GTF2E2: variants seen among roughly 807,000 people sequenced by gnomAD.
GTF2E2 encodes transcription initiation factor IIE subunit beta.
Under a neutral mutation model 40.5 loss-of-function variants are expected in GTF2E2, and 21 were observed. The ratio of observed to expected loss-of-function variants is 0.52; its 90% confidence interval spans 0.37 to 0.75. The LOEUF is 0.75. Ranked by LOEUF, GTF2E2 falls within the 30% of genes least tolerant of loss-of-function variation. GTF2E2 has a pLI of 0.00. For synonymous variants in GTF2E2, 117 were observed against 121.6 expected (o/e 0.96, Z 0.25); for missense variants, 298 against 338.4 (o/e 0.88, Z 0.94).
chr8:30,614,916 C>CA (rs1330676813), intron 3 of GTF2E2, among the ~76,000 whole-genome samples: 1 of 151,558 alleles, frequency 6.6e-6, no homozygotes, highest in African/African-American at 2.4e-5. Context: ...GACAAACTGA[C>CA]AAAAAAATAT....
chr8:30,600,981 G>C (rs938109841), intron 6 of GTF2E2, among the ~76,000 whole-genome samples: 7 of 152,334 alleles, frequency 4.6e-5, no homozygotes, highest in African/African-American at 1.7e-4. Context: ...GGCTAGAGAT[G>C]AATGTTAAAA....
At chr8:30,585,377 T>C (rs1828647847) in intron 6 of GTF2E2, among the ~76,000 whole-genome samples, 1 of 152,100 alleles carries the variant, frequency 6.6e-6, no homozygotes, top group Non-Finnish European at 1.5e-5. Flanking sequence ...AAAGGCAATA[T>C]AAAACATTTA....
At chr8:30,640,417 T>C (rs941840044) in intron 2 of GTF2E2, among the ~76,000 whole-genome samples, 9 of 151,910 alleles carry the variant, frequency 5.9e-5, no homozygotes, top group Admixed American at 3.3e-4. Context: ...CATATCAAAA[T>C]GGGAGTAAAC....
intron 3 of GTF2E2, among the ~76,000 whole-genome samples, chr8:30,617,396 T>C (rs959458560): frequency 6.6e-6 from 1 of 152,180 alleles, no homozygotes; most frequent in Admixed American, 6.5e-5. Flanking sequence ...TACTTCTGCC[T>C]TTAGAGCAGA....
chr8:30,645,167 A>T, intron 2 of GTF2E2: 1 of 919,028 alleles, frequency 1.1e-6, no homozygotes, highest in Non-Finnish European at 1.6e-6. Context: ...TTTAGGCATT[A>T]ATTAAGGAAG....
chr8:30,583,802 A>ATTTAT, intron 6 of GTF2E2, among the ~76,000 whole-genome samples: 1 of 149,670 alleles, frequency 6.7e-6, no homozygotes, highest in African/African-American at 2.5e-5. Flanking sequence ...TATTTATTTT[A>ATTTAT]TTTATTTATT....
chr8:30,628,977 TAA>T (rs1208795721), intron 3 of GTF2E2, among the ~76,000 whole-genome samples: 1 of 151,864 alleles, frequency 6.6e-6, no homozygotes, highest in Non-Finnish European at 1.5e-5. Context: ...CTATATCCAC[TAA>T]GAGATCATGA....
chr8:30,601,393 C>T (rs75607133), intron 6 of GTF2E2, among the ~76,000 whole-genome samples: 1,811 of 152,264 alleles, frequency 0.012, 50 homozygotes, highest in South Asian at 0.064. Flanking sequence ...AACCAAGTTC[C>T]CAACAAGGGG....
At position 30,612,494 on chromosome 8, in the gene GTF2E2, T is replaced by C. The variant is rs1585964244; in HGVS notation, c.367-13A>G. The C allele has an allele frequency of 4.0e-6, 6 of 1,505,590 alleles. No homozygotes were observed. The highest frequency in any genetic ancestry group is 5.5e-6 in the Non-Finnish European group (6 of 1,087,444). 93.3% of individuals were successfully genotyped at this position (1,505,590 alleles called of 1,614,324 possible). On this transcript the variant is annotated splice_polypyrimidine_tract_variant and intron_variant, in intron 4 of 7. Coordinates refer to ENST00000355904, the MANE Select transcript of GTF2E2 (RefSeq NM_002095.6). ...TGTTGACTAAAGCCTGTAACAGTGATACAATTGGAATATATTAACAAATGG... is the reference window on the plus strand; with the variant it reads ...TGTTGACTAAAGCCTGTAACAGTGACACAATTGGAATATATTAACAAATGG...
At chr8:30,628,930 CAAA>C (rs200464263) in intron 3 of GTF2E2, among the ~76,000 whole-genome samples, 7 of 70,592 alleles carry the variant, frequency 9.9e-5, no homozygotes, top group Admixed American at 1.6e-4. Context: ...GACTCCGTCT[CAAA>C]AAAAAAAAAA....
At chr8:30,596,388 G>A (rs1333828076) in intron 6 of GTF2E2, among the ~76,000 whole-genome samples, 1 of 152,024 alleles carries the variant, frequency 6.6e-6, no homozygotes, top group Non-Finnish European at 1.5e-5. Context: ...GTTTAATAAT[G>A]AGCTTGTTGA....
intron 6 of GTF2E2, among the ~76,000 whole-genome samples, chr8:30,603,078 A>C (rs552764112): frequency 1.3e-5 from 2 of 152,358 alleles, no homozygotes; most frequent in African/African-American, 4.8e-5. Context: ...CCTCCACTTC[A>C]GAATGGAAGC....
chr8:30,614,487 G>A (rs1471923200), intron 4 of GTF2E2, 121 bp downstream of exon 4: 1 of 573,700 alleles, frequency 1.7e-6, no homozygotes, highest in Non-Finnish European at 3.1e-6. Flanking sequence ...GGCTGAGTCA[G>A]CAGTGGGCTG....
chr8:30,650,663 AGCCATGATCAT>A (rs1192504370), intron 2 of GTF2E2, among the ~76,000 whole-genome samples: 2 of 150,038 alleles, frequency 1.3e-5, no homozygotes, highest in East Asian at 3.9e-4. Context: ...GCCAGCAGTG[AGCCATGATCAT>A]GCCCGTACTC....
intron 6 of GTF2E2, among the ~76,000 whole-genome samples, chr8:30,581,802 A>C (rs1828522108): frequency 6.6e-6 from 1 of 152,008 alleles, no homozygotes; most frequent in South Asian, 2.1e-4. Flanking sequence ...TCTTGTTTCC[A>C]TGATAGTCGG....
At chr8:30,598,916 T>TG (rs1829090011) in intron 6 of GTF2E2, among the ~76,000 whole-genome samples, 1 of 152,160 alleles carries the variant, frequency 6.6e-6, no homozygotes, top group Non-Finnish European at 1.5e-5. Context: ...CCCTGCACTT[T>TG]GGGAAGCCAA....
intron 3 of GTF2E2, among the ~76,000 whole-genome samples, chr8:30,618,632 A>G (rs992896347): frequency 1.3e-5 from 2 of 152,202 alleles, no homozygotes; most frequent in African/African-American, 4.8e-5. Context: ...AATGAATTAC[A>G]AATTTCTCCT....
At chr8:30,600,989 A>G (rs1829164040) in intron 6 of GTF2E2, among the ~76,000 whole-genome samples, 1 of 152,240 alleles carries the variant, frequency 6.6e-6, no homozygotes. Context: ...ATGAATGTTA[A>G]AACGTGTCCG....
intron 6 of GTF2E2, among the ~76,000 whole-genome samples, chr8:30,599,169 C>G (rs148579670): frequency 1.3e-5 from 2 of 152,232 alleles, no homozygotes; most frequent in African/African-American, 4.8e-5. Context: ...TTTGGTAAGG[C>G]ATTAGTATTT....
Sources: gnomAD v4.1 joint callset for allele counts (sites outside exome capture counted in the v4.1 genomes callset) on GRCh38, gnomAD v4.1.1 for gene constraint, MANE v1.5 for transcripts, NCBI Gene and HGNC (gene_info 2026-07-23, HGNC 2026-07-21) for gene names.